Variants in SLC38A1 observed in about 807,000 individuals in gnomAD.
SLC38A1 encodes the protein solute carrier family 38 member 1.
Under a neutral mutation model 60.3 loss-of-function variants are expected in SLC38A1, and 18 were observed. That is an observed-to-expected ratio of 0.30 (90% CI 0.21 to 0.44). The LOEUF (loss-of-function observed/expected upper bound fraction) is 0.44, where lower values mean the gene tolerates loss of function less well. Ranked by LOEUF, SLC38A1 falls within the 20% of genes least tolerant of loss-of-function variation. The pLI, the probability that SLC38A1 is intolerant of heterozygous loss-of-function variation, is 1.00. For synonymous variants in SLC38A1, 196 were observed against 212.1 expected, an observed-to-expected ratio of 0.92 and a Z score of 0.66; for missense variants, 448 against 587.2, an observed-to-expected ratio of 0.76 and a Z score of 2.45.
At chr12:46,247,196 C>T (rs1941650979) in intron 1 of SLC38A1, among the ~76,000 whole-genome samples, 2 of 152,112 alleles carry the variant, frequency 1.3e-5, no homozygotes, top group Admixed American at 1.3e-4. Context: ...GACAAGTTGG[C>T]CAAAGTAGGC....
At chr12:46,261,466 T>C (rs1942194432) in intron 1 of SLC38A1, among the ~76,000 whole-genome samples, 1 of 152,192 alleles carries the variant, frequency 6.6e-6, no homozygotes, top group South Asian at 2.1e-4. Context: ...AGTAAACACA[T>C]GTTAACAATA....
chr12:46,233,524 C>A (rs1941151502), intron 3 of SLC38A1, among the ~76,000 whole-genome samples: 1 of 152,136 alleles, frequency 6.6e-6, no homozygotes, highest in Non-Finnish European at 1.5e-5. Context: ...GGCCTGGTAA[C>A]ACTCCCCTGG....
At chr12:46,207,076 A>G (rs557179642) in intron 8 of SLC38A1, 79 bp downstream of exon 8, 42 of 970,160 alleles carry the variant, frequency 4.3e-5, no homozygotes, top group Non-Finnish European at 5.8e-5. Context: ...TGCAATATTC[A>G]CAAGCAAGAA....
chr12:46,231,532 T>C (rs1307791928), intron 3 of SLC38A1, among the ~76,000 whole-genome samples: 1 of 152,242 alleles, frequency 6.6e-6, no homozygotes, highest in Admixed American at 6.5e-5. Flanking sequence ...AGTCTGGAAA[T>C]TCAATTACCT....
intron 3 of SLC38A1, among the ~76,000 whole-genome samples, chr12:46,232,275 T>C (rs957238029): frequency 2.4e-4 from 36 of 152,082 alleles, no homozygotes; most frequent in African/African-American, 7.7e-4. Flanking sequence ...AACACCAGTA[T>C]AGGAACGTCA....
At chr12:46,224,928 A>G (rs1278778172) in intron 5 of SLC38A1, among the ~76,000 whole-genome samples, 6 of 152,194 alleles carry the variant, frequency 3.9e-5, no homozygotes, top group Admixed American at 1.3e-4. Flanking sequence ...CTTTAATCAG[A>G]CACTAAAGTG....
At chr12:46,238,485 T>C (rs1249291795) in intron 3 of SLC38A1, among the ~76,000 whole-genome samples, 2 of 152,222 alleles carry the variant, frequency 1.3e-5, no homozygotes, top group Non-Finnish European at 2.9e-5. Flanking sequence ...TCTTATCCTC[T>C]TCCATCCCAA....
At chr12:46,234,608 C>G (rs1379102815) in intron 3 of SLC38A1, among the ~76,000 whole-genome samples, 1 of 152,020 alleles carries the variant, frequency 6.6e-6, no homozygotes, top group Admixed American at 6.6e-5. Flanking sequence ...CCACCGTACC[C>G]GGCTAATTTT....
At chr12:46,253,740 T>G (rs1941935405) in intron 1 of SLC38A1, among the ~76,000 whole-genome samples, 1 of 152,156 alleles carries the variant, frequency 6.6e-6, no homozygotes, top group Non-Finnish European at 1.5e-5. Context: ...GTTGCTCTGG[T>G]TCACATGCCT....
At chr12:46,249,246 A>G (rs1222986824) in intron 1 of SLC38A1, among the ~76,000 whole-genome samples, 1 of 152,134 alleles carries the variant, frequency 6.6e-6, no homozygotes, top group Non-Finnish European at 1.5e-5. Context: ...CTGGGTAAAT[A>G]ACAAAATGAA....
At chr12:46,266,243 A>G (rs1282582290) in intron 1 of SLC38A1, among the ~76,000 whole-genome samples, 1 of 152,194 alleles carries the variant, frequency 6.6e-6, no homozygotes. Context: ...GTCCACAAGC[A>G]TCACCCAGAG....
chr12:46,213,219 A>G (rs1940253650), intron 5 of SLC38A1, among the ~76,000 whole-genome samples: 1 of 152,160 alleles, frequency 6.6e-6, no homozygotes, highest in Non-Finnish European at 1.5e-5. Context: ...CTTTCAAGGT[A>G]ATCTATTTTG....
chr12:46,241,121 A>G (rs545225939), intron 2 of SLC38A1, among the ~76,000 whole-genome samples: 3 of 152,288 alleles, frequency 2.0e-5, no homozygotes, highest in African/African-American at 7.2e-5. Context: ...GATGGGGACC[A>G]TGGAATCAAG....
At chr12:46,226,579 A>G (rs572554591) in intron 5 of SLC38A1, among the ~76,000 whole-genome samples, 5 of 151,572 alleles carry the variant, frequency 3.3e-5, no homozygotes, top group Non-Finnish European at 7.4e-5. Context: ...CAACACAATA[A>G]TGTAAAAAAA....
At chr12:46,200,315 A>G (rs1173759739) in intron 13 of SLC38A1, among the ~76,000 whole-genome samples, 1 of 152,090 alleles carries the variant, frequency 6.6e-6, no homozygotes, top group East Asian at 1.9e-4. Context: ...ATTTGTGTTT[A>G]TGAAAAAAAG....
intron 1 of SLC38A1, among the ~76,000 whole-genome samples, chr12:46,262,392 A>C (rs189994922): frequency 1.9e-3 from 292 of 152,234 alleles, no homozygotes; most frequent in African/African-American, 6.6e-3. Flanking sequence ...AAAAAACACC[A>C]AAAGAATTGA....
At chr12:46,249,932 C>A (rs925355763) in intron 1 of SLC38A1, among the ~76,000 whole-genome samples, 5 of 152,190 alleles carry the variant, frequency 3.3e-5, no homozygotes, top group African/African-American at 1.2e-4. Context: ...GGTACCATTC[C>A]TCCTGAAACT....
chr12:46,201,594 G>T (rs1405895811), intron 12 of SLC38A1, among the ~76,000 whole-genome samples: 1 of 152,042 alleles, frequency 6.6e-6, no homozygotes, highest in African/African-American at 2.4e-5. Context: ...TTGACCTCAG[G>T]TGTTCTGTCT....
chr12:46,221,558 G>A (rs1020200796), intron 5 of SLC38A1, among the ~76,000 whole-genome samples: 2 of 152,112 alleles, frequency 1.3e-5, no homozygotes, highest in African/African-American at 4.8e-5. Context: ...CAACAATAAT[G>A]AAAGCCACTG....
Sources: gnomAD v4.1 joint callset for allele counts (sites outside exome capture counted in the v4.1 genomes callset) on GRCh38, gnomAD v4.1.1 for gene constraint, MANE v1.5 for transcripts, NCBI Gene and HGNC (gene_info 2026-07-23, HGNC 2026-07-21) for gene names.